Variants in FOXN3 observed in about 807,000 individuals in gnomAD.
FOXN3 encodes forkhead box protein N3.
FOXN3 carries 7 observed loss-of-function variants against 38.4 expected under a neutral mutation model. The ratio of observed to expected loss-of-function variants is 0.18; its 90% CI spans 0.10 to 0.34. FOXN3 has a LOEUF of 0.34. Among genes scored for constraint, FOXN3 ranks in the 10% least tolerant of loss-of-function variants. The pLI is 1.00. For synonymous variants in FOXN3, 230 were observed against 242.2 expected (o/e 0.95, Z 0.47); for missense variants, 456 against 613.4 (o/e 0.74, Z 2.71).
chr14:89,514,319 C>A (rs866331459), intron 1 of FOXN3, among the ~76,000 whole-genome samples: 3 of 152,308 alleles, frequency 2.0e-5, no homozygotes, highest in African/African-American at 7.2e-5. Flanking sequence ...GTTGTAAATG[C>A]ATTTGCCCTT....
At chr14:89,475,133 G>A (rs902175103) in intron 1 of FOXN3, among the ~76,000 whole-genome samples, 5 of 152,030 alleles carry the variant, frequency 3.3e-5, no homozygotes, top group Non-Finnish European at 7.4e-5. Flanking sequence ...CATATCTTAA[G>A]GAAACAACAA....
intron 4 of FOXN3, among the ~76,000 whole-genome samples, chr14:89,213,855 A>G (rs1034048969): frequency 6.6e-5 from 10 of 152,228 alleles, no homozygotes; most frequent in African/African-American, 2.2e-4. Flanking sequence ...GCTTAAGGCT[A>G]TACCTAATAA....
intron 1 of FOXN3, among the ~76,000 whole-genome samples, chr14:89,583,925 C>T (rs1229382545): frequency 2.6e-5 from 4 of 151,872 alleles, no homozygotes; most frequent in African/African-American, 4.8e-5. Flanking sequence ...GGTGTGATCT[C>T]GACTCACTGC....
At chr14:89,209,102 C>G (rs1888457185) in intron 4 of FOXN3, among the ~76,000 whole-genome samples, 1 of 152,204 alleles carries the variant, frequency 6.6e-6, no homozygotes, top group Non-Finnish European at 1.5e-5. Flanking sequence ...ACACTTCGGA[C>G]TCACTGGATA....
intron 1 of FOXN3, among the ~76,000 whole-genome samples, chr14:89,506,518 C>T (rs900144230): frequency 4.7e-4 from 70 of 150,056 alleles, no homozygotes; most frequent in Non-Finnish European, 7.3e-4. Flanking sequence ...GTCAGCCCCC[C>T]GCCTGGCCAG....
At chr14:89,360,396 C>G (rs1179742280) in intron 2 of FOXN3, among the ~76,000 whole-genome samples, 1 of 127,406 alleles carries the variant, frequency 7.8e-6, no homozygotes, top group Admixed American at 8.4e-5. Context: ...GGGAGGGAGG[C>G]AGGAAGACAG....
chr14:89,320,253 G>A (rs1456418585), intron 3 of FOXN3, among the ~76,000 whole-genome samples: 2 of 152,322 alleles, frequency 1.3e-5, no homozygotes, highest in Non-Finnish European at 2.9e-5. Context: ...GAACACTGAA[G>A]GGCAAAATTC....
At chr14:89,224,858 T>C (rs10140240) in intron 4 of FOXN3, among the ~76,000 whole-genome samples, 2,854 of 152,146 alleles carry the variant, frequency 0.019, 90 homozygotes, top group African/African-American at 0.065. Flanking sequence ...AGGACGGGTG[T>C]GGTGGCTCAC....
intron 3 of FOXN3, among the ~76,000 whole-genome samples, chr14:89,331,968 A>T (rs1342614738): frequency 6.6e-6 from 1 of 152,172 alleles, no homozygotes; most frequent in African/African-American, 2.4e-5. Flanking sequence ...CTGTTTGATA[A>T]AATGTAGGAA....
chr14:89,175,988 T>A (rs1011010605), intron 5 of FOXN3, among the ~76,000 whole-genome samples: 1 of 152,096 alleles, frequency 6.6e-6, no homozygotes, highest in Admixed American at 6.5e-5. Flanking sequence ...TTCCATTCAA[T>A]GCAATCTCTG....
chr14:89,479,461 A>ATT, intron 1 of FOXN3, among the ~76,000 whole-genome samples: 1 of 152,108 alleles, frequency 6.6e-6, no homozygotes, highest in Non-Finnish European at 1.5e-5. Context: ...CAAAACTCTC[A>ATT]ACTTGTTTTA....
intron 3 of FOXN3, among the ~76,000 whole-genome samples, chr14:89,319,930 C>A (rs1160699506): frequency 6.6e-6 from 1 of 152,204 alleles, no homozygotes; most frequent in African/African-American, 2.4e-5. Context: ...GTTGCTGGTA[C>A]TTCCCTTGCC....
At chr14:89,509,352 T>G (rs1894012418) in intron 1 of FOXN3, among the ~76,000 whole-genome samples, 2 of 137,666 alleles carry the variant, frequency 1.5e-5, no homozygotes, top group Admixed American at 1.5e-4. Context: ...TTGTTTGTTT[T>G]AAGATGGAGT....
intron 1 of FOXN3, among the ~76,000 whole-genome samples, chr14:89,517,984 A>C (rs879749327): frequency 2.6e-5 from 4 of 152,222 alleles, no homozygotes; most frequent in Non-Finnish European, 5.9e-5. Context: ...GAGCCAAAAC[A>C]AGCAAATCTT....
intron 2 of FOXN3, among the ~76,000 whole-genome samples, chr14:89,406,199 G>A (rs993302375): frequency 1.3e-5 from 2 of 151,638 alleles, no homozygotes; most frequent in African/African-American, 4.9e-5. Flanking sequence ...TGCTTGCCTC[G>A]GCCTCCCAAA....
At chr14:89,207,326 G>A (rs1189163976) in intron 4 of FOXN3, among the ~76,000 whole-genome samples, 1 of 151,898 alleles carries the variant, frequency 6.6e-6, no homozygotes, top group East Asian at 1.9e-4. Context: ...AACTTTATTT[G>A]AGTCTAGATT....
intron 1 of FOXN3, among the ~76,000 whole-genome samples, chr14:89,449,092 T>C (rs1235887566): frequency 2.2e-4 from 34 of 152,236 alleles, no homozygotes; most frequent in Admixed American, 2.2e-3. Flanking sequence ...ACAGGAACTT[T>C]ACAAGGAATT....
At chr14:89,271,115 A>T (rs1404661987) in intron 4 of FOXN3, among the ~76,000 whole-genome samples, 1 of 152,214 alleles carries the variant, frequency 6.6e-6, no homozygotes, top group East Asian at 1.9e-4. Context: ...ACTCTGAGCC[A>T]CACCTTTTGG....
chr14:89,360,023 T>C (rs1889396237), intron 2 of FOXN3, among the ~76,000 whole-genome samples: 1 of 152,148 alleles, frequency 6.6e-6, no homozygotes. Context: ...TGTCATTCTG[T>C]CCAGCATATG....
Sources: gnomAD v4.1 joint callset for allele counts (sites outside exome capture counted in the v4.1 genomes callset) on GRCh38, gnomAD v4.1.1 for gene constraint, MANE v1.5 for transcripts, NCBI Gene and HGNC (gene_info 2026-07-23, HGNC 2026-07-21) for gene names.